The following EHBP1 variants were observed in gnomAD, a reference collection of about 807,000 sequenced individuals.
EHBP1 encodes the protein EH domain binding protein 1, also known as EH domain-binding protein 1.
In EHBP1, 55 loss-of-function variants were observed where a neutral mutation model predicts 144.0. That is an observed-to-expected ratio of 0.38 (90% CI 0.31 to 0.48). EHBP1 has a LOEUF of 0.48. Ranked by LOEUF, EHBP1 falls within the 20% of genes least tolerant of loss-of-function variation. EHBP1 has a pLI of 0.98. For synonymous variants in EHBP1, 469 were observed against 472.7 expected (o/e 0.99, Z 0.10); for missense variants, 1,200 against 1,364.2 (o/e 0.88, Z 1.90).
At chr2:62,884,964 C>T (rs1487856368) in intron 10 of EHBP1, among the ~76,000 whole-genome samples, 1 of 152,058 alleles carries the variant, frequency 6.6e-6, no homozygotes, top group East Asian at 1.9e-4. Flanking sequence ...AGCATCTGGG[C>T]CAATTGGTTT....
At chr2:62,720,541 G>A (rs1274534301) in intron 2 of EHBP1, among the ~76,000 whole-genome samples, 2 of 152,112 alleles carry the variant, frequency 1.3e-5, no homozygotes, top group Non-Finnish European at 2.9e-5. Flanking sequence ...CTGTCTCAAA[G>A]TAACTTAATT....
chr2:62,942,839 C>A lies in EHBP1; in HGVS notation c.1307C>A (p.Ser436Ter), dbSNP rs1178367330. ...GTAAAAATCACCAATTTTACTACAT[C>A]GTGGAGAAATGGTTTATCTTTTTGT... is the stretch of plus-strand genomic sequence containing the variant. ...RGVKITNFTT[S>*]WRNGLSFCAI... Residue 436 changes from serine (S) to a stop codon, truncating the protein, a stop_gained, in exon 11 of 23, where the codon TCG becomes TAG. Transcript: ENST00000431489. LOFTEE classifies it high-confidence loss of function. 1 of 1,613,596 alleles carries A rather than the reference C, an allele frequency of 6.2e-7. No homozygotes were observed. Among genetic ancestry groups the A allele is most frequent in the Non-Finnish European group, 8.5e-7 (1 of 1,179,714 alleles).
intron 7 of EHBP1, among the ~76,000 whole-genome samples, chr2:62,842,179 C>T (rs749076423): frequency 1.1e-4 from 17 of 152,178 alleles, no homozygotes; most frequent in Middle Eastern, 3.4e-3. Context: ...TTCCACCTCC[C>T]AGGTTCAAGG....
chr2:62,864,450 A>G (rs2049889044), intron 8 of EHBP1, among the ~76,000 whole-genome samples: 1 of 152,214 alleles, frequency 6.6e-6, no homozygotes. Context: ...TAATACTGTT[A>G]GATACTGCAG....
intron 10 of EHBP1, among the ~76,000 whole-genome samples, chr2:62,903,016 A>G (rs1316007023): frequency 6.6e-6 from 1 of 151,208 alleles, no homozygotes; most frequent in African/African-American, 2.4e-5. Context: ...TTATTAGCTC[A>G]CTTGCTAAGT....
intron 5 of EHBP1, among the ~76,000 whole-genome samples, chr2:62,822,950 T>A (rs879898386): frequency 6.6e-6 from 1 of 152,180 alleles, no homozygotes; most frequent in South Asian, 2.1e-4. Context: ...GTGACATTTT[T>A]AAATTTAAAT....
intron 4 of EHBP1, among the ~76,000 whole-genome samples, chr2:62,765,841 G>T (rs2041136938): frequency 6.6e-6 from 1 of 152,142 alleles, no homozygotes; most frequent in South Asian, 2.1e-4. Context: ...GCATCACACT[G>T]TATTACTTGC....
At chr2:62,921,441 T>A in intron 10 of EHBP1, among the ~76,000 whole-genome samples, 1 of 148,198 alleles carries the variant, frequency 6.7e-6, no homozygotes. Flanking sequence ...CCAGACCTTG[T>A]CTCAAAAAAG....
Position 62,903,676 on chromosome 2 carries a change from G to T in EHBP1, c.1185+29144G>T, listed in dbSNP as rs140782988. ...AGCTTCTTGGGAGGCTGAGGCTAGA[G>T]GATTGCTTGAGCCCAGGAGGTCAGG... On this transcript the variant is annotated intron_variant, in intron 10 of 22. Transcript: ENST00000431489. 2.7e-3 allele frequency among the ~76,000 whole-genome samples: 415 copies of T among 152,184 alleles called. 2 individuals are homozygous for T. The highest frequency in any genetic ancestry group is 4.6e-3 in the Non-Finnish European group (311 of 68,002).
intron 2 of EHBP1, among the ~76,000 whole-genome samples, chr2:62,740,902 C>T (rs183562527): frequency 7.9e-5 from 12 of 152,240 alleles, no homozygotes; most frequent in Admixed American, 3.3e-4. Context: ...TAAGCTTTTA[C>T]AAGACAGCAA....
chr2:63,022,731 A>G lies in EHBP1; in HGVS notation c.3104-14804A>G, dbSNP rs556868896. Among the ~76,000 whole-genome samples, 19 of 152,340 alleles carry G rather than the reference A, an allele frequency of 1.2e-4. No homozygotes were observed. In the Middle Eastern group the frequency reaches 0.01, roughly 82 times the overall value. ...TGGTTTGCATAAGAAAACTGAACTT[A>G]TATAGTCATTGTATCTGTTCCCTAT... On this transcript the variant is annotated intron_variant, in intron 19 of 22. Coordinates refer to ENST00000431489, the MANE Select transcript of EHBP1 (RefSeq NM_001142616.3).
At chr2:62,893,887 T>C (rs1033897854) in intron 10 of EHBP1, among the ~76,000 whole-genome samples, 1 of 151,864 alleles carries the variant, frequency 6.6e-6, no homozygotes, top group African/African-American at 2.4e-5. Flanking sequence ...CCACTACAAA[T>C]ACAAAAAATT....
intron 5 of EHBP1, among the ~76,000 whole-genome samples, chr2:62,782,612 C>T (rs932183582): frequency 6.6e-6 from 1 of 152,112 alleles, no homozygotes; most frequent in Non-Finnish European, 1.5e-5. Context: ...TAGCAGGAGA[C>T]AGAATGAATG....
At chr2:62,984,554 T>G (rs148140264) in intron 15 of EHBP1, among the ~76,000 whole-genome samples, 272 of 152,338 alleles carry the variant, frequency 1.8e-3, no homozygotes, top group African/African-American at 6.1e-3. Flanking sequence ...AACACACACA[T>G]GCACATGCAC....
At chr2:62,764,612 C>G (rs1365597325) in intron 4 of EHBP1, among the ~76,000 whole-genome samples, 2 of 152,112 alleles carry the variant, frequency 1.3e-5, no homozygotes, top group African/African-American at 4.8e-5. Flanking sequence ...TTCCTACACT[C>G]TACCCACAGA....
intron 10 of EHBP1, among the ~76,000 whole-genome samples, chr2:62,915,791 C>T (rs909877187): frequency 3.3e-5 from 5 of 152,036 alleles, no homozygotes; most frequent in East Asian, 3.8e-4. Context: ...ACGATAACAA[C>T]GTACTGGTAA....
intron 13 of EHBP1, among the ~76,000 whole-genome samples, chr2:62,950,655 C>T (rs542600287): frequency 1.3e-5 from 2 of 151,784 alleles, no homozygotes; most frequent in African/African-American, 2.4e-5. Context: ...ATGGGGATTT[C>T]GAGACCAAAA....
At chr2:62,810,078 T>G (rs1302323279) in intron 5 of EHBP1, among the ~76,000 whole-genome samples, 1 of 152,192 alleles carries the variant, frequency 6.6e-6, no homozygotes, top group African/African-American at 2.4e-5. Context: ...AAAATTAGAT[T>G]TTTATAAGTG....
chr2:62,983,657 C>T (rs2059066822), intron 15 of EHBP1, among the ~76,000 whole-genome samples: 1 of 152,314 alleles, frequency 6.6e-6, no homozygotes, highest in South Asian at 2.1e-4. Context: ...TCTCCTGCTT[C>T]AGCCTCCCGA....
Sources: allele counts gnomAD v4.1 joint callset (sites outside exome capture counted in the v4.1 genomes callset), GRCh38; gene constraint gnomAD v4.1.1; transcripts MANE v1.5; gene names NCBI Gene and HGNC (gene_info 2026-07-23, HGNC 2026-07-21).